Variants in BICC1 observed in about 807,000 individuals in gnomAD.
BICC1 encodes the protein BicC family RNA binding protein 1.
In BICC1, 43 loss-of-function variants were observed where a neutral mutation model predicts 111.0. The observed-to-expected ratio is 0.39, with a 90% CI of 0.30 to 0.50. The LOEUF is 0.50. Ranked by LOEUF, BICC1 falls within the 20% of genes least tolerant of loss-of-function variation. The pLI, the probability that BICC1 is intolerant of heterozygous loss-of-function variation, is 0.88. For missense variants in BICC1, 1,091 were observed against 1,203.2 expected (o/e 0.91, Z 1.38); for synonymous variants, 467 against 434.4 (o/e 1.07, Z -0.93).
intron 1 of BICC1, among the ~76,000 whole-genome samples, chr10:58,551,788 C>T (rs964107052): frequency 1.3e-5 from 2 of 152,074 alleles, no homozygotes; most frequent in Non-Finnish European, 2.9e-5. Flanking sequence ...GACTTCTGAC[C>T]TCTAAAACTG....
chr10:58,533,800 A>T (rs1006369490), intron 1 of BICC1, among the ~76,000 whole-genome samples: 1 of 151,846 alleles, frequency 6.6e-6, no homozygotes, highest in African/African-American at 2.4e-5. Flanking sequence ...AATGAGAAAG[A>T]AAGAAAAGCA....
intron 3 of BICC1, among the ~76,000 whole-genome samples, chr10:58,731,848 C>A (rs191718140): frequency 6.6e-6 from 1 of 152,270 alleles, no homozygotes; most frequent in Admixed American, 6.5e-5. Context: ...CATGAAGGAT[C>A]CACCTGAATG....
chr10:58,537,937 G>C (rs1349712786), intron 1 of BICC1, among the ~76,000 whole-genome samples: 1 of 151,798 alleles, frequency 6.6e-6, no homozygotes, highest in South Asian at 2.1e-4. Context: ...TCTGTACAAG[G>C]AGAACTACAA....
chr10:58,586,508 C>T (rs980667206), intron 1 of BICC1, among the ~76,000 whole-genome samples: 1 of 143,808 alleles, frequency 7.0e-6, no homozygotes, highest in Non-Finnish European at 1.5e-5. Flanking sequence ...GGCTGAGGCA[C>T]GAGAATCACT....
At chr10:58,587,788 C>T (rs1589121929) in intron 1 of BICC1, among the ~76,000 whole-genome samples, 1 of 152,148 alleles carries the variant, frequency 6.6e-6, no homozygotes, top group African/African-American at 2.4e-5. Flanking sequence ...TCCATTTATT[C>T]TGACTTTGAG....
chr10:58,561,475 G>C (rs1385741048), intron 1 of BICC1, among the ~76,000 whole-genome samples: 1 of 151,660 alleles, frequency 6.6e-6, no homozygotes, highest in Non-Finnish European at 1.5e-5. Context: ...ATATAACTGG[G>C]TCTTGTTTCT....
intron 2 of BICC1, among the ~76,000 whole-genome samples, chr10:58,622,924 A>G (rs1360126320): frequency 3.3e-5 from 5 of 152,230 alleles, no homozygotes; most frequent in African/African-American, 7.2e-5. Context: ...AAATAATGCA[A>G]ATATGAAGGA....
intron 10 of BICC1, among the ~76,000 whole-genome samples, chr10:58,797,978 C>T (rs773220084): frequency 1.5e-4 from 23 of 152,190 alleles, no homozygotes; most frequent in Non-Finnish European, 3.1e-4. Flanking sequence ...CACAGGAAAG[C>T]ATTCCCTAGT....
At chr10:58,606,051 C>G (rs1427071805) in intron 1 of BICC1, among the ~76,000 whole-genome samples, 1 of 152,044 alleles carries the variant, frequency 6.6e-6, no homozygotes, top group African/African-American at 2.4e-5. Context: ...GATAATTAAT[C>G]AGCTTTTTTT....
intron 20 of BICC1, among the ~76,000 whole-genome samples, chr10:58,826,575 C>CCTTCTCTCTACTAAAAATACAAATA (rs71299283): frequency 1.8e-4 from 28 of 151,866 alleles, no homozygotes; most frequent in African/African-American, 6.3e-4. Flanking sequence ...CACGGTGAAA[C>CCTTCTCTCTACTAAAAATACAAATA]CTTCTCTCTA....
At chr10:58,821,392 A>G (rs541936226) in intron 20 of BICC1, among the ~76,000 whole-genome samples, 4 of 152,220 alleles carry the variant, frequency 2.6e-5, no homozygotes, top group South Asian at 2.1e-4. Flanking sequence ...GTTACATCCA[A>G]CTGGTGAAAG....
At position 58,785,045 on chromosome 10, in the gene BICC1, G is replaced by A; in HGVS notation, c.352G>A (p.Ala118Thr). Reference sequence around the variant, plus strand: ...TGGAAAGAAAGAAGATGTTAAAGAAGCCAAGGAAATGATCATGTCTGTCTT... The same window carrying A: ...TGGAAAGAAAGAAGATGTTAAAGAAACCAAGGAAATGATCATGTCTGTCTT... ...VSGKKEDVKE[A>T]KEMIMSVLDT... Residue 118 changes from alanine (A) to threonine (T), a missense_variant, in exon 4 of 21, where the codon GCC becomes ACC. Coordinates refer to ENST00000373886, the MANE Select transcript of BICC1 (RefSeq NM_001080512.3). 1 of 1,599,992 alleles carries A rather than the reference G, an allele frequency of 6.3e-7. No individual in the cohort carries two copies. Among genetic ancestry groups the A allele is most frequent in the Non-Finnish European group, 8.5e-7 (1 of 1,172,440 alleles).
chr10:58,679,064 A>G (rs1036513621), intron 2 of BICC1, among the ~76,000 whole-genome samples: 1 of 152,248 alleles, frequency 6.6e-6, no homozygotes, highest in Non-Finnish European at 1.5e-5. Context: ...ATGGCACTAA[A>G]TTCTCACAGG....
In BICC1 at chr10:58,729,324, T is replaced by C. The variant is rs545659151; in HGVS notation, c.307+27181T>C. ...CAGCACTTGCTGCTTCACCTTGCAT[T>C]TTAAAATTATGGAGATGGCATCTTT... On this transcript the variant is annotated intron_variant, in intron 3 of 20. Transcript: ENST00000373886. 3.3e-5 allele frequency among the ~76,000 whole-genome samples: 5 copies of C among 152,232 alleles called. 1 individual carries two copies. The South Asian group carries it at 8.3e-4, about 25-fold the overall frequency.
chr10:58,690,585 A>T (rs944949793), intron 2 of BICC1, among the ~76,000 whole-genome samples: 1 of 152,166 alleles, frequency 6.6e-6, no homozygotes, highest in African/African-American at 2.4e-5. Context: ...CCTCCTTTCA[A>T]TATTTACTCT....
At chr10:58,654,039 C>G (rs1054777422) in intron 2 of BICC1, among the ~76,000 whole-genome samples, 2 of 149,428 alleles carry the variant, frequency 1.3e-5, no homozygotes, top group Non-Finnish European at 3.0e-5. Flanking sequence ...GCATAGTATT[C>G]CATGATGTAT....
intron 4 of BICC1, among the ~76,000 whole-genome samples, chr10:58,785,862 C>T (rs1447666635): frequency 6.6e-6 from 1 of 152,140 alleles, no homozygotes; most frequent in Non-Finnish European, 1.5e-5. Flanking sequence ...TGCCACCTGG[C>T]ATTTCATTAG....
At chr10:58,777,693 T>A (rs1842784010) in intron 3 of BICC1, among the ~76,000 whole-genome samples, 1 of 152,072 alleles carries the variant, frequency 6.6e-6, no homozygotes, top group Non-Finnish European at 1.5e-5. Context: ...CATTATCATG[T>A]CAAAAATACT....
At chr10:58,779,946 T>C (rs1436029751) in intron 3 of BICC1, among the ~76,000 whole-genome samples, 1 of 152,142 alleles carries the variant, frequency 6.6e-6, no homozygotes, top group Non-Finnish European at 1.5e-5. Flanking sequence ...CTTTCTTACA[T>C]AAAAATTTTG....
Sources: gnomAD v4.1 joint callset for allele counts (sites outside exome capture counted in the v4.1 genomes callset) on GRCh38, gnomAD v4.1.1 for gene constraint, MANE v1.5 for transcripts, NCBI Gene and HGNC (gene_info 2026-07-23, HGNC 2026-07-21) for gene names.